Variants in NEK1 observed in about 807,000 individuals in gnomAD.
NEK1 encodes serine/threonine-protein kinase Nek1.
In NEK1, 137 loss-of-function variants were observed where a neutral mutation model predicts 182.1. The ratio of observed to expected loss-of-function variants is 0.75; its 90% CI spans 0.65 to 0.87. NEK1 has a LOEUF of 0.87. NEK1 is among the 40% of genes least tolerant of loss of function. The pLI is 0.00. For missense variants in NEK1, 1,391 were observed against 1,494.4 expected (o/e 0.93, Z 1.14); for synonymous variants, 513 against 492.2 (o/e 1.04, Z -0.56).
intron 26 of NEK1, among the ~76,000 whole-genome samples, chr4:169,468,864 G>A (rs1745407275): frequency 1.3e-5 from 2 of 152,108 alleles, no homozygotes; most frequent in Non-Finnish European, 2.9e-5. Context: ...TATATGTCCA[G>A]GAATGTATCT....
chr4:169,495,878 C>A (rs1210513934), intron 23 of NEK1, among the ~76,000 whole-genome samples: 1 of 152,120 alleles, frequency 6.6e-6, no homozygotes, highest in Non-Finnish European at 1.5e-5. Context: ...ATTGACTTGG[C>A]AATGCGGGCT....
At chr4:169,474,923 T>C (rs1395732218) in intron 26 of NEK1, among the ~76,000 whole-genome samples, 1 of 152,164 alleles carries the variant, frequency 6.6e-6, no homozygotes, top group Non-Finnish European at 1.5e-5. Flanking sequence ...ATAGAGTAAT[T>C]AGAGTTATGC....
At chr4:169,607,758 T>C (rs550276526) in intron 2 of NEK1, among the ~76,000 whole-genome samples, 41 of 152,206 alleles carry the variant, frequency 2.7e-4, no homozygotes, top group African/African-American at 8.4e-4. Flanking sequence ...CCACCGCGCC[T>C]GGCCTCAAAA....
chr4:169,545,936 G>A (rs1256655910), intron 18 of NEK1, among the ~76,000 whole-genome samples: 1 of 152,144 alleles, frequency 6.6e-6, no homozygotes, highest in African/African-American at 2.4e-5. Context: ...ACAAACAAAT[G>A]GAAGAACATT....
chr4:169,411,004 G>A (rs879494217), intron 31 of NEK1, among the ~76,000 whole-genome samples: 6 of 152,188 alleles, frequency 3.9e-5, no homozygotes, highest in African/African-American at 1.2e-4. Context: ...GTGTGCGTGC[G>A]TATCCTGTTT....
chr4:169,590,365 A>T (rs1314231681), intron 6 of NEK1, among the ~76,000 whole-genome samples: 4 of 148,236 alleles, frequency 2.7e-5, no homozygotes, highest in Non-Finnish European at 4.4e-5. Flanking sequence ...AAAGGCACAT[A>T]CTTCATAATA....
intron 23 of NEK1, among the ~76,000 whole-genome samples, chr4:169,481,858 C>G (rs1748092326): frequency 6.6e-6 from 1 of 152,206 alleles, no homozygotes; most frequent in Non-Finnish European, 1.5e-5. Context: ...CTATTGACTT[C>G]TCTTTAGCTT....
intron 29 of NEK1, among the ~76,000 whole-genome samples, chr4:169,432,854 AC>A (rs1387628808): frequency 6.6e-6 from 1 of 151,846 alleles, no homozygotes; most frequent in Non-Finnish European, 1.5e-5. Flanking sequence ...GCTCACTGCA[AC>A]CTCCACCTCC....
chr4:169,394,407 T>A lies in NEK1; in HGVS notation c.*103A>T. 2 of 725,522 alleles carry A rather than the reference T, an allele frequency of 2.8e-6. No homozygotes were observed. The highest frequency in any genetic ancestry group is 4.6e-6 in the Non-Finnish European group (2 of 437,366). The allele number at this position is 725,522 out of a possible 1,614,324, so 44.9% of individuals were successfully genotyped here. On this transcript the variant is annotated 3_prime_UTR_variant, in exon 36 of 36. Transcript: ENST00000507142. ...TAAGAAAGTCCATCTTAAATCTGAT[T>A]TTTTAAATAAATAATTGCTGTATTT... is the stretch of plus-strand genomic sequence containing the variant.
intron 31 of NEK1, among the ~76,000 whole-genome samples, chr4:169,413,744 C>T (rs569575779): frequency 3.9e-5 from 6 of 152,258 alleles, no homozygotes; most frequent in Admixed American, 1.3e-4. Flanking sequence ...TGGCCAGGTG[C>T]GATGGCTCAC....
chr4:169,424,901 A>C, intron 30 of NEK1, 101 bp from the exon 31 acceptor site: 2 of 1,232,746 alleles, frequency 1.6e-6, no homozygotes, highest in Non-Finnish European at 2.2e-6. Flanking sequence ...CTAGCAAAAA[A>C]CCCACATATC....
Position 169,400,584 on chromosome 4 carries a change from C to T in NEK1, c.3651G>A (p.Leu1217=), listed in dbSNP as rs1430077121. 1 of 1,609,130 alleles carries T rather than the reference C, an allele frequency of 6.2e-7. No individual in the cohort carries two copies. Among genetic ancestry groups the T allele is most frequent in the Admixed American group, 1.7e-5 (1 of 59,404 alleles). ...CDSVFNHLEE[L]RLHLEQEMGF... Reference sequence around the variant, plus strand: ...CCATTTCCTGCTCCAGATGAAGTCTCAGTTCCTCTAAATGGTTAAAGACAC... The same window carrying T: ...CCATTTCCTGCTCCAGATGAAGTCTTAGTTCCTCTAAATGGTTAAAGACAC... Residue 1217 remains leucine, a synonymous_variant, in exon 34 of 36, where the codon CTG becomes CTA. Transcript: ENST00000507142.
chr4:169,448,520 T>C (rs1224597597), intron 27 of NEK1, among the ~76,000 whole-genome samples: 1 of 151,850 alleles, frequency 6.6e-6, no homozygotes, highest in Non-Finnish European at 1.5e-5. Context: ...AATGAAGATA[T>C]GAAGGAAGGA....
intron 23 of NEK1, chr4:169,506,605 T>G (rs1268432750): frequency 6.6e-6 from 1 of 151,894 alleles, no homozygotes; most frequent in Non-Finnish European, 1.5e-5. Flanking sequence ...ATACAAAAAT[T>G]AGCCAGGCGT....
intron 27 of NEK1, among the ~76,000 whole-genome samples, chr4:169,441,460 C>G (rs1235611421): frequency 2.0e-5 from 3 of 152,230 alleles, no homozygotes; most frequent in Non-Finnish European, 4.4e-5. Flanking sequence ...ATGCAGGTGC[C>G]TGCACACACA....
At chr4:169,491,348 T>A (rs563084270) in intron 23 of NEK1, among the ~76,000 whole-genome samples, 1 of 151,848 alleles carries the variant, frequency 6.6e-6, no homozygotes, top group Non-Finnish European at 1.5e-5. Context: ...GACAAAGAAT[T>A]TTAAAAGCAG....
chr4:169,545,892 GAAC>G (rs1489062804), intron 18 of NEK1, among the ~76,000 whole-genome samples: 3 of 152,086 alleles, frequency 2.0e-5, no homozygotes, highest in Non-Finnish European at 2.9e-5. Context: ...ACTTCAAGGA[GAAC>G]TACAAACCAC....
At chr4:169,610,964 T>C (rs374742820) in intron 2 of NEK1, among the ~76,000 whole-genome samples, 2 of 152,380 alleles carry the variant, frequency 1.3e-5, no homozygotes, top group East Asian at 3.9e-4. Context: ...TCTTCCTTTA[T>C]TCGAAAAAGC....
At chr4:169,518,474 T>C (rs1463661208) in intron 19 of NEK1, among the ~76,000 whole-genome samples, 1 of 126,610 alleles carries the variant, frequency 7.9e-6, no homozygotes, top group Non-Finnish European at 1.6e-5. Flanking sequence ...ATTCATTGAT[T>C]TTTTGAAGGG....
Sources: allele counts gnomAD v4.1 joint callset (sites outside exome capture counted in the v4.1 genomes callset), GRCh38; gene constraint gnomAD v4.1.1; transcripts MANE v1.5; gene names NCBI Gene and HGNC (gene_info 2026-07-23, HGNC 2026-07-21).